The following BMP6 variants were observed in gnomAD, a reference collection of about 807,000 sequenced individuals.
BMP6 encodes bone morphogenetic protein 6, also known as VG-1-R.
BMP6 carries 17 observed loss-of-function variants against 54.1 expected under a neutral mutation model. That is an observed-to-expected ratio of 0.31 (90% CI 0.22 to 0.47). BMP6 has a LOEUF of 0.47. Ranked by LOEUF, BMP6 falls within the 20% of genes least tolerant of loss-of-function variation. The pLI is 1.00. For missense variants in BMP6, 720 were observed against 690.4 expected (o/e 1.04, Z -0.48); for synonymous variants, 328 against 291.2 (o/e 1.13, Z -1.28).
chr6:7,843,196 T>C (rs1247890026), intron 1 of BMP6, among the ~76,000 whole-genome samples: 1 of 152,136 alleles, frequency 6.6e-6, no homozygotes, highest in Non-Finnish European at 1.5e-5. Context: ...TTTACTTTTC[T>C]GGTTGGACTT....
intron 1 of BMP6, among the ~76,000 whole-genome samples, chr6:7,835,263 C>T (rs1474516395): frequency 3.3e-5 from 5 of 152,156 alleles, no homozygotes; most frequent in Admixed American, 3.3e-4. Context: ...GCTGGGACTA[C>T]AGACACCCGC....
At chr6:7,872,219 C>G (rs1464149685) in intron 4 of BMP6, among the ~76,000 whole-genome samples, 1 of 151,504 alleles carries the variant, frequency 6.6e-6, no homozygotes, top group Non-Finnish European at 1.5e-5. Context: ...TCAGCCCATT[C>G]ATCAAAACCA....
At chr6:7,755,782 C>T (rs991669801) in intron 1 of BMP6, among the ~76,000 whole-genome samples, 2 of 151,984 alleles carry the variant, frequency 1.3e-5, no homozygotes, top group African/African-American at 2.4e-5. Flanking sequence ...AATTCTCTAT[C>T]TGTGTTGTGG....
chr6:7,813,192 ATAATTTGTATATCTC>A (rs58560207), intron 1 of BMP6, among the ~76,000 whole-genome samples: 38,521 of 118,014 alleles, frequency 0.33, 7,364 homozygotes, highest in East Asian at 0.73. Flanking sequence ...TTCATGACAC[ATAATTTGTATATCTC>A]TGATTGTGTT....
intron 1 of BMP6, among the ~76,000 whole-genome samples, chr6:7,754,691 C>T (rs890649402): frequency 1.3e-5 from 2 of 152,088 alleles, no homozygotes; most frequent in African/African-American, 2.4e-5. Context: ...TGTGTGCACA[C>T]GGCATAATGT....
rs1441241946 is a variant in BMP6, at chr6:7,727,557, C to A, written c.602C>A (p.Thr201Asn). 3 of 1,593,472 alleles carry A rather than the reference C, an allele frequency of 1.9e-6. No individual in the cohort carries two copies. Among genetic ancestry groups the A allele is most frequent in the East Asian group, 2.2e-5 (1 of 44,662 alleles). The change falls in exon 1 of 7, where the codon ACC (threonine) becomes AAC (asparagine). Residue 201 changes from threonine (T) to asparagine (N), a missense_variant. Thr to Asn is a moderately conservative substitution (Grantham distance 65). Around this residue, in one of 3 missense-constraint regions of BMP6, gnomAD observed 650 missense variants for 556.3 expected, o/e 1.17. Transcript: ENST00000283147. The stretch of plus-strand genomic sequence containing the variant: ...GGCAGCGGCGGCGCGTCCCCACTGA[C>A]CAGCGCGCAGGACAGCGCCTTCCTC... ...GSGSGGASPL[T>N]SAQDSAFLND...
intron 1 of BMP6, among the ~76,000 whole-genome samples, chr6:7,762,778 C>T (rs897554898): frequency 6.6e-6 from 1 of 152,168 alleles, no homozygotes; most frequent in Non-Finnish European, 1.5e-5. Flanking sequence ...TATGTCTTAT[C>T]AACATATTGA....
At chr6:7,822,897 TTGTGTGTGTGTGTGTGTG>T (rs56161444) in intron 1 of BMP6, among the ~76,000 whole-genome samples, 125 of 121,354 alleles carry the variant, frequency 1.0e-3, no homozygotes, top group African/African-American at 3.6e-3. Context: ...TTGGTGCTGG[TTGTGTGTGTGTGTGTGTG>T]TGTGTGTGTG....
At chr6:7,775,632 C>T (rs1270722344) in intron 1 of BMP6, among the ~76,000 whole-genome samples, 1 of 152,182 alleles carries the variant, frequency 6.6e-6, no homozygotes, top group Non-Finnish European at 1.5e-5. Flanking sequence ...AGTCAAGGGA[C>T]CGGGTTCATG....
chr6:7,879,472 C>T (rs1348821372), intron 5 of BMP6, among the ~76,000 whole-genome samples: 1 of 152,184 alleles, frequency 6.6e-6, no homozygotes, highest in Non-Finnish European at 1.5e-5. Context: ...GGCATTTAAA[C>T]AAATTTTAAT....
intron 1 of BMP6, among the ~76,000 whole-genome samples, chr6:7,748,398 A>C (rs1314234642): frequency 6.6e-6 from 1 of 152,176 alleles, no homozygotes; most frequent in African/African-American, 2.4e-5. Flanking sequence ...ATACTATTTC[A>C]GACATCATTC....
intron 1 of BMP6, among the ~76,000 whole-genome samples, chr6:7,813,997 C>T (rs1271735027): frequency 6.6e-6 from 1 of 152,106 alleles, no homozygotes; most frequent in African/African-American, 2.4e-5. Context: ...GTCATAGGAC[C>T]GAGGTGCCCC....
chr6:7,837,078 ACTAAT>A (rs1487232185), intron 1 of BMP6, among the ~76,000 whole-genome samples: 2 of 152,250 alleles, frequency 1.3e-5, no homozygotes, highest in Admixed American at 1.3e-4. Flanking sequence ...AATTGCCTTA[ACTAAT>A]CTAGACTAAA....
At chr6:7,807,530 T>TTC (rs1758365618) in intron 1 of BMP6, among the ~76,000 whole-genome samples, 1 of 152,044 alleles carries the variant, frequency 6.6e-6, no homozygotes, top group Non-Finnish European at 1.5e-5. Flanking sequence ...CCGCCCACCT[T>TTC]GGCCTCCCAA....
At chr6:7,755,947 T>C (rs1757508607) in intron 1 of BMP6, among the ~76,000 whole-genome samples, 1 of 152,174 alleles carries the variant, frequency 6.6e-6, no homozygotes, top group Admixed American at 6.5e-5. Flanking sequence ...GGCTGATTTT[T>C]AAGATTTTCT....
At chr6:7,809,738 A>G (rs1425255173) in intron 1 of BMP6, among the ~76,000 whole-genome samples, 2 of 152,332 alleles carry the variant, frequency 1.3e-5, no homozygotes, top group East Asian at 1.9e-4. Flanking sequence ...CGACAGCCCA[A>G]TGGCTGAACA....
intron 1 of BMP6, among the ~76,000 whole-genome samples, chr6:7,838,168 A>T (rs1758904163): frequency 6.6e-6 from 1 of 151,734 alleles, no homozygotes; most frequent in Non-Finnish European, 1.5e-5. Flanking sequence ...AAAGAGAGAG[A>T]GACCATCTTC....
intron 1 of BMP6, among the ~76,000 whole-genome samples, chr6:7,767,522 G>A (rs1757711058): frequency 6.6e-6 from 1 of 152,098 alleles, no homozygotes; most frequent in Non-Finnish European, 1.5e-5. Context: ...GGTTATGAGG[G>A]GGGAGCGTCG....
intron 2 of BMP6, among the ~76,000 whole-genome samples, chr6:7,856,610 T>TTGTTTTGTTTTTG (rs1643900269): frequency 8.2e-6 from 1 of 122,154 alleles, no homozygotes; most frequent in Non-Finnish European, 1.7e-5. Flanking sequence ...TTTTTTTTTT[T>TTGTTTTGTTTTTG]TTTTGAGACG....
Sources: allele counts gnomAD v4.1 joint callset (sites outside exome capture counted in the v4.1 genomes callset), GRCh38; gene constraint gnomAD v4.1.1; regional missense constraint gnomAD v4.1.1; transcripts MANE v1.5; gene names NCBI Gene and HGNC (gene_info 2026-07-23, HGNC 2026-07-21).